The following ANTXR2 variants were observed in gnomAD, a reference collection of about 807,000 sequenced individuals.
ANTXR2 encodes anthrax toxin receptor 2.
ANTXR2 carries 44 observed loss-of-function variants against 73.7 expected under a neutral mutation model. The ratio of observed to expected loss-of-function variants is 0.60; its 90% CI spans 0.47 to 0.77. ANTXR2 has a LOEUF of 0.77. Among genes scored for constraint, ANTXR2 ranks in the 30% least tolerant of loss-of-function variants. The pLI is 0.00. For missense variants in ANTXR2, 604 were observed against 592.5 expected, an observed-to-expected ratio of 1.02 and a Z score of -0.20; for synonymous variants, 217 against 205.9, an observed-to-expected ratio of 1.05 and a Z score of -0.46.
chr4:80,027,338 A>T (rs1008726046), intron 10 of ANTXR2, among the ~76,000 whole-genome samples: 1 of 152,196 alleles, frequency 6.6e-6, no homozygotes, highest in Non-Finnish European at 1.5e-5. Context: ...TTCCAGGAAA[A>T]ATAGATTAGG....
At chr4:80,020,100 AG>A (rs1732085224) in intron 10 of ANTXR2, among the ~76,000 whole-genome samples, 1 of 152,228 alleles carries the variant, frequency 6.6e-6, no homozygotes, top group Admixed American at 6.5e-5. Flanking sequence ...TCCACAGGGT[AG>A]GCATGGTGGC....
At chr4:80,008,473 C>T (rs1213888128) in intron 12 of ANTXR2, 48 bp downstream of exon 12, 4 of 1,450,562 alleles carry the variant, frequency 2.8e-6, no homozygotes, top group South Asian at 2.5e-5. Context: ...CCTTACTTTA[C>T]ATCTTTCTAA....
At chr4:79,914,346 A>G (rs988632141) in intron 16 of ANTXR2, among the ~76,000 whole-genome samples, 5 of 152,124 alleles carry the variant, frequency 3.3e-5, no homozygotes, top group African/African-American at 1.2e-4. Flanking sequence ...TGTTATAACC[A>G]TATCTTGACT....
At chr4:79,957,119 C>T (rs1438788589) in intron 16 of ANTXR2, among the ~76,000 whole-genome samples, 3 of 152,062 alleles carry the variant, frequency 2.0e-5, no homozygotes, top group Non-Finnish European at 4.4e-5. Context: ...AAGGCAGAAA[C>T]ATTGAGATAG....
intron 16 of ANTXR2, among the ~76,000 whole-genome samples, chr4:79,959,834 G>A (rs1029090757): frequency 1.3e-5 from 2 of 152,228 alleles, no homozygotes; most frequent in African/African-American, 2.4e-5. Flanking sequence ...TGGAATTCAA[G>A]AGGGAAGGTC....
chr4:80,001,172 T>A (rs1007014210), intron 12 of ANTXR2, among the ~76,000 whole-genome samples: 1 of 152,044 alleles, frequency 6.6e-6, no homozygotes, highest in African/African-American at 2.4e-5. Flanking sequence ...ATTGCAAATT[T>A]TTTTTTATTA....
intron 16 of ANTXR2, among the ~76,000 whole-genome samples, chr4:79,960,961 T>C (rs1242606941): frequency 6.6e-6 from 1 of 151,968 alleles, no homozygotes; most frequent in Non-Finnish European, 1.5e-5. Flanking sequence ...AAAGGGGCAA[T>C]AAAAGCTTCC....
intron 3 of ANTXR2, among the ~76,000 whole-genome samples, chr4:80,060,597 A>C (rs920558251): frequency 2.6e-5 from 4 of 152,188 alleles, no homozygotes; most frequent in Non-Finnish European, 5.9e-5. Flanking sequence ...TAGGAATATA[A>C]ATATCTCCCC....
At chr4:80,047,656 T>G (rs1380148191) in intron 7 of ANTXR2, among the ~76,000 whole-genome samples, 1 of 151,750 alleles carries the variant, frequency 6.6e-6, no homozygotes, top group Non-Finnish European at 1.5e-5. Context: ...TATACACTGA[T>G]GCAAAGACAA....
intron 16 of ANTXR2, among the ~76,000 whole-genome samples, chr4:79,956,786 C>T (rs1246436077): frequency 1.3e-5 from 2 of 152,024 alleles, no homozygotes. Context: ...CGCGCGCACA[C>T]ACACACACTC....
At chr4:79,981,143 C>T (rs1729873842) in intron 14 of ANTXR2, among the ~76,000 whole-genome samples, 1 of 152,136 alleles carries the variant, frequency 6.6e-6, no homozygotes, top group African/African-American at 2.4e-5. Context: ...ATAAATGAAA[C>T]ATTTCCATCT....
Position 80,070,122 on chromosome 4 carries a change from G to C in ANTXR2, c.225-615C>G, listed in dbSNP as rs188049738. Among the ~76,000 whole-genome samples, 649 of 152,248 alleles carry C rather than the reference G, an allele frequency of 4.3e-3. 3 individuals are homozygous for C. Among genetic ancestry groups the C allele is most frequent in the Non-Finnish European group, 7.2e-3 (491 of 68,010 alleles). On this transcript the variant is annotated intron_variant, in intron 2 of 16. Transcript: ENST00000403729. ...GTTTTAGGCATGTCTCTCACAGAAC[G>C]GTTCTTGCTTCTCGGACACTCTCTG...
chr4:79,951,610 A>G (rs1728714480), intron 16 of ANTXR2, among the ~76,000 whole-genome samples: 1 of 151,974 alleles, frequency 6.6e-6, no homozygotes, highest in Non-Finnish European at 1.5e-5. Context: ...AAAAACAACA[A>G]AAAGAACAAC....
intron 16 of ANTXR2, chr4:79,964,586 C>A (rs929252984): frequency 6.6e-6 from 1 of 152,246 alleles, no homozygotes; most frequent in Non-Finnish European, 1.5e-5. Flanking sequence ...CCCACCGCAA[C>A]GGAGTCAAAC....
chr4:79,948,609 T>TA (rs1728595134), intron 16 of ANTXR2, among the ~76,000 whole-genome samples: 1 of 152,156 alleles, frequency 6.6e-6, no homozygotes. Flanking sequence ...AAAGAATTTC[T>TA]AAACCCATTC....
At chr4:79,993,760 G>GCGCGCGCGCGCGCACA (rs71662888) in intron 12 of ANTXR2, among the ~76,000 whole-genome samples, 1 of 140,770 alleles carries the variant, frequency 7.1e-6, no homozygotes, top group East Asian at 2.1e-4. Context: ...ACACACACAC[G>GCGCGCGCGCGCGCACA]CACACACACA....
At chr4:80,052,292 G>T (rs1578187165) in intron 7 of ANTXR2, among the ~76,000 whole-genome samples, 1 of 151,420 alleles carries the variant, frequency 6.6e-6, no homozygotes, top group South Asian at 2.1e-4. Context: ...AAAATCAGAT[G>T]GTACTATGCA....
At chr4:80,002,215 T>C (rs1731080912) in intron 12 of ANTXR2, among the ~76,000 whole-genome samples, 1 of 152,072 alleles carries the variant, frequency 6.6e-6, no homozygotes, top group East Asian at 1.9e-4. Context: ...AACAGAGGTA[T>C]AGATAAACGG....
intron 7 of ANTXR2, among the ~76,000 whole-genome samples, chr4:80,037,728 T>C (rs538948223): frequency 7.2e-5 from 11 of 152,188 alleles, no homozygotes; most frequent in East Asian, 5.8e-4. Context: ...CTTTAAAAAT[T>C]TGGACATAAT....
Sources: allele counts gnomAD v4.1 joint callset (sites outside exome capture counted in the v4.1 genomes callset), GRCh38; gene constraint gnomAD v4.1.1; transcripts MANE v1.5; gene names NCBI Gene and HGNC (gene_info 2026-07-23, HGNC 2026-07-21).